Variants in FPGS observed in about 807,000 individuals in gnomAD.
The protein encoded by FPGS is folylpolyglutamate synthase, mitochondrial.
In FPGS, 53 loss-of-function variants were observed where a neutral mutation model predicts 66.5. The observed-to-expected ratio is 0.80, with a 90% confidence interval of 0.64 to 1.00. FPGS has a LOEUF of 1.00. Among genes scored for constraint, FPGS ranks in the 50% least tolerant of loss-of-function variants. The pLI, the probability that FPGS is intolerant of heterozygous loss-of-function variation, is 0.00. For synonymous variants in FPGS, 348 were observed against 350.9 expected (o/e 0.99, Z 0.09); for missense variants, 702 against 807.7 (o/e 0.87, Z 1.59).
At chr9:127,812,584 C>T (rs1277315727) in intron 14 of FPGS, among the ~76,000 whole-genome samples, 1 of 152,170 alleles carries the variant, frequency 6.6e-6, no homozygotes, top group Non-Finnish European at 1.5e-5. Context: ...TCACTGCAAT[C>T]TCCACCTCCC....
chr9:127,804,996 C>T lies in FPGS; in HGVS notation c.386+296C>T. ...CCCCGCCTGCCAGGTTCAAGCAATTCTCCTGCTTCAGCCTCCCAAGTAGCT... is the reference window on the plus strand; with the variant it reads ...CCCCGCCTGCCAGGTTCAAGCAATTTTCCTGCTTCAGCCTCCCAAGTAGCT... On this transcript the variant is annotated intron_variant, in intron 4 of 14. Coordinates refer to ENST00000373247, the MANE Select transcript of FPGS (RefSeq NM_004957.6). The T allele has an allele frequency of 5.8e-6, 2 of 342,786 alleles. 1 individual carries two copies. The highest frequency in any genetic ancestry group is 6.4e-5 in the South Asian group (2 of 31,018). 21.2% of individuals were successfully genotyped at this position (342,786 alleles called of 1,614,324 possible).
chr9:127,814,412 T>C, downstream of FPGS: 1 of 153,348 alleles, frequency 6.5e-6, no homozygotes, highest in East Asian at 1.9e-4. Context: ...TTTGGGAGGC[T>C]GAGGCGGGCG....
chr9:127,809,714 C>A lies in FPGS; in HGVS notation c.1091C>A (p.Thr364Lys). Residue 364 changes from threonine to lysine, a missense_variant, in exon 12 of 15, where the codon ACG becomes AAG. This residue lies in a region of FPGS where 351 missense variants were observed against 363.7 expected (regional missense o/e 0.97). Transcript: ENST00000373247. ...GLRNTEWPGRTQVLRRGPLTW... is the reference protein window; with the variant it reads ...GLRNTEWPGRKQVLRRGPLTW... Reference sequence around the variant, plus strand: ...CGGAACACGGAGTGGCCGGGCCGGACGCAGGTGCTGCGGCGCGGGCCCCTC... The same window carrying A: ...CGGAACACGGAGTGGCCGGGCCGGAAGCAGGTGCTGCGGCGCGGGCCCCTC... 6.3e-7 allele frequency: 1 copy of A among 1,589,224 alleles called. No homozygotes were observed. Among genetic ancestry groups the A allele is most frequent in the Non-Finnish European group, 8.5e-7 (1 of 1,175,446 alleles).
In FPGS at chr9:127,807,232, C is replaced by T; in HGVS notation, c.525C>T (p.Pro175=). 6.2e-7 allele frequency: 1 copy of T among 1,614,140 alleles called. No individual in the cohort carries two copies. The highest frequency in any genetic ancestry group is 8.5e-7 in the Non-Finnish European group (1 of 1,180,014). Residue 175 remains proline (P), a synonymous_variant, in exon 6 of 15, where the codon CCC becomes CCT. Transcript: ENST00000373247. The surrounding 1 kb of genome is among the most constrained non-coding windows in gnomAD (Gnocchi z 5.8). ...ETKDGSCVSM[P]PYFRFLTLMA... is the part of the protein sequence containing the mutation. ...AGGATGGCAGCTGTGTCTCCATGCC[C>T]CCCTACTTCCGCTTCCTGACACTCA...
rs1333568632 is a variant in FPGS at position 127,811,008 on chromosome 9, G to A, written c.1351G>A (p.Ala451Thr). Residue 451 changes from alanine to threonine, a missense_variant, in exon 14 of 15, where the codon GCA becomes ACA. This residue lies in a region of FPGS where 351 missense variants were observed against 363.7 expected (regional missense o/e 0.97). Transcript: ENST00000373247. ...GACAGAGGTGTCATCCACAGGCAAC[G>A]CAGGTGAGAGGTGACAGGCATGGCC... Reference protein sequence around the residue: ...NLTEVSSTGNADQQNFTVTLD... With the variant: ...NLTEVSSTGNTDQQNFTVTLD... 12 of 1,584,854 alleles carry A rather than the reference G, an allele frequency of 7.6e-6. No individual in the cohort carries two copies. Among genetic ancestry groups the A allele is most frequent in the South Asian group, 2.3e-5 (2 of 87,054 alleles).
chr9:127,805,615 AAAG>A (rs1357476092), intron 4 of FPGS, among the ~76,000 whole-genome samples: 4 of 151,400 alleles, frequency 2.6e-5, no homozygotes, highest in Non-Finnish European at 5.9e-5. Context: ...AAAAAAATGA[AAAG>A]AAAAAATTTT....
At chr9:127,806,907 C>T in intron 4 of FPGS, 66 bp from the exon 5 acceptor site, 1 of 1,221,426 alleles carries the variant, frequency 8.2e-7, no homozygotes, top group South Asian at 1.2e-5. Context: ...GCATCAGTCC[C>T]TGCAGGGTGG....
chr9:127,813,899 C>T lies in FPGS; in HGVS notation c.*295C>T, dbSNP rs1476066100. On this transcript the variant is annotated 3_prime_UTR_variant, in exon 15 of 15. Transcript: ENST00000373247. ...CCCCGCCTGCCTCCTGGCTCAGGCC[C>T]AGCTTATTGTGTGCGCTGCCTGGCC... 1 of 1,186,572 alleles carries T rather than the reference C, an allele frequency of 8.4e-7. No homozygotes were observed. The highest frequency in any genetic ancestry group is 1.0e-6 in the Non-Finnish European group (1 of 959,282). 73.5% of individuals were successfully genotyped at this position (1,186,572 alleles called of 1,614,324 possible).
chr9:127,809,125 G>A (rs1829955996), intron 11 of FPGS, among the ~76,000 whole-genome samples: 1 of 152,132 alleles, frequency 6.6e-6, no homozygotes, highest in African/African-American at 2.4e-5. Context: ...GCCACGGGCT[G>A]TGGTGGGGAT....
chr9:127,808,756 G>T, intron 10 of FPGS, 44 bp from the exon 11 acceptor site: 10 of 1,557,556 alleles, frequency 6.4e-6, no homozygotes, highest in Non-Finnish European at 8.7e-6. Flanking sequence ...TGTGGAGCCT[G>T]CCTAGGAGGG....
chr9:127,811,430 C>T (rs907420806), intron 14 of FPGS, among the ~76,000 whole-genome samples: 6 of 151,386 alleles, frequency 4.0e-5, no homozygotes, highest in East Asian at 3.9e-4. Context: ...GGCAGTGAGC[C>T]GAGATCGCGC....
chr9:127,809,865 G>C, intron 12 of FPGS, 31 bp downstream of exon 12: 1 of 1,410,864 alleles, frequency 7.1e-7, no homozygotes, highest in South Asian at 1.4e-5. Context: ...TGGGGCCGGG[G>C]CTGGCCCACG....
At chr9:127,803,367 C>T (rs1360948132) in intron 1 of FPGS, 14 of 1,132,034 alleles carry the variant, frequency 1.2e-5, no homozygotes, top group Non-Finnish European at 1.5e-5. Context: ...TTCCAGTGAT[C>T]CCGGAGTCTG....
Position 127,802,919 on chromosome 9 carries a change from G to T in FPGS, c.-6G>T, listed in dbSNP as rs566648760. The stretch of plus-strand genomic sequence containing the variant: ...GGCCTAGAGCGCTGCCGGGGGCGCC[G>T]GGACTATGTCGCGGGCGCGGAGCCA... On this transcript the variant is annotated 5_prime_UTR_variant, in exon 1 of 15. Coordinates refer to ENST00000373247, the MANE Select transcript of FPGS (RefSeq NM_004957.6). The T allele has an allele frequency of 2.2e-6, 3 of 1,369,340 alleles. No individual in the cohort carries two copies. The highest frequency in any genetic ancestry group is 1.7e-5 in the South Asian group (1 of 60,350). 84.8% of individuals were successfully genotyped at this position (1,369,340 alleles called of 1,614,324 possible). A position where few individuals can be genotyped will look rare whatever the true frequency, so the allele number is the denominator to read the frequency against.
chr9:127,813,254 C>T lies in FPGS; in HGVS notation c.1414C>T (p.Gln472Ter). ...CCTGCTCCGCTGCCTGGAACACCAG[C>T]AGCACTGGAACCACCTGGACGAAGA... ...QVLLRCLEHQQHWNHLDEEQA... is the reference protein window; with the variant it reads ...QVLLRCLEHQ The change falls in exon 15 of 15, where the codon CAG (glutamine) becomes TAG (stop). Residue 472 changes from glutamine to a stop codon, truncating the protein, a stop_gained. Coordinates refer to ENST00000373247, the MANE Select transcript of FPGS (RefSeq NM_004957.6). LOFTEE classifies it low-confidence loss of function (END_TRUNC). The T allele has an allele frequency of 6.2e-7, 1 of 1,611,554 alleles. No individual in the cohort carries two copies. The highest frequency in any genetic ancestry group is 8.5e-7 in the Non-Finnish European group (1 of 1,178,944).
In FPGS at chr9:127,809,738, T is replaced by C; in HGVS notation, c.1115T>C (p.Leu372Pro). The C allele has an allele frequency of 6.3e-7, 1 of 1,586,092 alleles. No individual in the cohort carries two copies. Among genetic ancestry groups the C allele is most frequent in the Non-Finnish European group, 8.5e-7 (1 of 1,174,880 alleles). The part of the protein sequence containing the change: ...GRTQVLRRGP[L>P]TWYLDGAHTA... ...ACGCAGGTGCTGCGGCGCGGGCCCC[T>C]CACCTGGTACCTGGACGGTGCGCAC... Residue 372 changes from leucine to proline, a missense_variant, in exon 12 of 15, where the codon CTC becomes CCC. Physicochemically the swap from Leu to Pro is moderately conservative, Grantham distance 98. Coordinates refer to ENST00000373247, the MANE Select transcript of FPGS (RefSeq NM_004957.6).
rs17855900 is a variant in FPGS, at chr9:127,813,306, C to T, written c.1466C>T (p.Ala489Val). The change falls in exon 15 of 15, where the codon GCC becomes GTC. Residue 489 changes from alanine to valine, a missense_variant. Transcript: ENST00000373247. ...EEQASPDLWS[A>V]PSPEPGGSAS... ...CAGGCCAGCCCGGACCTCTGGAGTG[C>T]CCCCAGCCCAGAGCCCGGTGGGTCC... 2.9e-4 allele frequency: 470 copies of T among 1,613,054 alleles called. 1 individual carries two copies. In the East Asian group the frequency reaches 8.8e-3, roughly 30 times the overall value.
At position 127,804,561 on chromosome 9, in the gene FPGS, C is replaced by A; in HGVS notation, c.321+9C>A. 1 of 1,614,122 alleles carries A rather than the reference C, an allele frequency of 6.2e-7. No homozygotes were observed. The highest frequency in any genetic ancestry group is 8.5e-7 in the Non-Finnish European group (1 of 1,179,994). On this transcript the variant is annotated intron_variant, in intron 3 of 14. Transcript: ENST00000373247. Reference sequence around the variant, plus strand: ...CTGGGACGAAGGGGAAGGTGAGGGGCAGGACCCTGGGGTAGGGGGTCTATT... The same window carrying A: ...CTGGGACGAAGGGGAAGGTGAGGGGAAGGACCCTGGGGTAGGGGGTCTATT...
In FPGS at chr9:127,807,070, C is replaced by T. The variant is rs868865399; in HGVS notation, c.484C>T (p.Arg162Trp). 7 of 1,614,112 alleles carry T rather than the reference C, an allele frequency of 4.3e-6. No homozygotes were observed. The highest frequency in any genetic ancestry group is 2.2e-5 in the East Asian group (1 of 44,868). The change falls in exon 5 of 15, where the codon CGG becomes TGG. Residue 162 changes from arginine (R) to tryptophan (W), a missense_variant. This residue lies in a region of FPGS where 240 missense variants were observed against 348.6 expected (regional missense o/e 0.69). Transcript: ENST00000373247. The surrounding 1 kb of genome is among the most constrained non-coding windows in gnomAD (Gnocchi z 5.8). ...FTKYFWRLYH[R>W]LEETKDGSCV... ...CAAGTACTTCTGGCGCCTCTACCAC[C>T]GGCTGGAGGAGACCAAGGTGCCGCA... is the stretch of plus-strand genomic sequence containing the variant.
Sources: gnomAD v4.1 joint callset for allele counts (sites outside exome capture counted in the v4.1 genomes callset) on GRCh38, gnomAD v4.1.1 for gene constraint, gnomAD v4.1.1 regional missense constraint, Gnocchi (gnomAD v3.1) non-coding constraint, MANE v1.5 for transcripts, NCBI Gene and HGNC (gene_info 2026-07-23, HGNC 2026-07-21) for gene names.